PCDHA2: variants seen among roughly 807,000 people sequenced by gnomAD.
PCDHA2 encodes the protein protocadherin alpha 2, also known as protocadherin alpha-2.
PCDHA2 carries 58 observed loss-of-function variants against 66.0 expected under a neutral mutation model. The observed-to-expected ratio is 0.88, with a 90% CI of 0.71 to 1.09. The LOEUF (loss-of-function observed/expected upper bound fraction) is 1.09. PCDHA2 is among the 50% of genes least tolerant of loss of function. The pLI, the probability that PCDHA2 is intolerant of heterozygous loss-of-function variation, is 0.00. For synonymous variants in PCDHA2, 634 were observed against 554.0 expected (o/e 1.14, Z -2.03); for missense variants, 1,267 against 1,242.3 (o/e 1.02, Z -0.30).
chr5:140,823,629 C>T, intron 1 of PCDHA2: 1 of 1,614,064 alleles, frequency 6.2e-7, no homozygotes, highest in Non-Finnish European at 8.5e-7. Flanking sequence ...GCAGTGCGCG[C>T]ATCCCGTTCC....
chr5:140,829,791 C>T (rs782412294), intron 1 of PCDHA2: 2 of 1,613,788 alleles, frequency 1.2e-6, no homozygotes, highest in South Asian at 2.2e-5. Context: ...GCGCTGCTGG[C>T]GCCTCGGGTG....
chr5:140,892,952 AT>A (rs1327610333), intron 1 of PCDHA2, among the ~76,000 whole-genome samples: 1 of 152,154 alleles, frequency 6.6e-6, no homozygotes, highest in African/African-American at 2.4e-5. Context: ...TACTACTTCC[AT>A]GAGCTCAATA....
chr5:140,919,558 TAA>T (rs879969388), intron 1 of PCDHA2, among the ~76,000 whole-genome samples: 1 of 152,210 alleles, frequency 6.6e-6, no homozygotes, highest in Non-Finnish European at 1.5e-5. Flanking sequence ...TGATTTATAT[TAA>T]GTGAATATTT....
intron 1 of PCDHA2, chr5:140,966,455 C>T (rs376758355): frequency 4.7e-6 from 2 of 426,810 alleles, no homozygotes; most frequent in East Asian, 3.5e-5. Flanking sequence ...CCCCCTCCCC[C>T]TCTGTCTTCC....
intron 1 of PCDHA2, among the ~76,000 whole-genome samples, chr5:140,875,148 G>T (rs1267290548): frequency 2.0e-5 from 3 of 152,118 alleles, no homozygotes; most frequent in Non-Finnish European, 4.4e-5. Context: ...TAAATGATCC[G>T]TGAAAAATAA....
intron 1 of PCDHA2, chr5:140,803,820 G>A (rs1554122968): frequency 1.2e-5 from 8 of 661,080 alleles, no homozygotes; most frequent in African/African-American, 1.8e-5. Flanking sequence ...TTTGTTATTA[G>A]GTGCAGTAGT....
chr5:140,896,902 G>C (rs1427098120), intron 1 of PCDHA2, among the ~76,000 whole-genome samples: 1 of 152,044 alleles, frequency 6.6e-6, no homozygotes, highest in Non-Finnish European at 1.5e-5. Context: ...TTTGATACAA[G>C]CATGCAATGC....
intron 1 of PCDHA2, chr5:140,807,409 T>A: frequency 6.4e-7 from 1 of 1,572,226 alleles, no homozygotes; most frequent in Non-Finnish European, 8.7e-7. Flanking sequence ...GCGGAGGCCT[T>A]CTGGAGGTAA....
In PCDHA2 at chr5:140,906,646, G is replaced by T. The variant is rs1473127161; in HGVS notation, c.2389-72303G>T. On this transcript the variant is annotated intron_variant, in intron 1 of 3. Coordinates refer to ENST00000526136, the MANE Select transcript of PCDHA2 (RefSeq NM_018905.3). ...TCAGCAAGCACCTCAGCAGGTAGTG[G>T]TTTTTTCCTGGTGTAGTGACCCAAA... Among the ~76,000 whole-genome samples the T allele has an allele frequency of 2.0e-5, 3 of 152,192 alleles. No individual in the cohort carries two copies. In the East Asian group the frequency reaches 5.8e-4, roughly 29 times the overall value.
At chr5:140,822,930 C>G (rs2150120481) in intron 1 of PCDHA2, 11 of 1,614,266 alleles carry the variant, frequency 6.8e-6, no homozygotes, top group Non-Finnish European at 8.5e-6. Flanking sequence ...GGCAGGTGAC[C>G]TGCTCCCTAA....
At chr5:140,967,989 T>G (rs781892084) in intron 1 of PCDHA2, 2 of 1,614,228 alleles carry the variant, frequency 1.2e-6, no homozygotes, top group Non-Finnish European at 1.7e-6. Flanking sequence ...GAGGCCACAC[T>G]GCCTTTCCGA....
chr5:140,925,947 G>A (rs1447488918), intron 1 of PCDHA2, among the ~76,000 whole-genome samples: 1 of 152,066 alleles, frequency 6.6e-6, no homozygotes, highest in Non-Finnish European at 1.5e-5. Flanking sequence ...CTTGGAGAAG[G>A]AGAAACTGCT....
chr5:140,890,726 T>C (rs2062772984), intron 1 of PCDHA2, among the ~76,000 whole-genome samples: 1 of 152,214 alleles, frequency 6.6e-6, no homozygotes. Context: ...TTTAATCCCT[T>C]TTGACTTATA....
intron 1 of PCDHA2, among the ~76,000 whole-genome samples, chr5:140,977,031 G>A (rs1554238180): frequency 6.6e-6 from 1 of 152,192 alleles, no homozygotes; most frequent in Admixed American, 6.5e-5. Context: ...ATGAATCTAA[G>A]AAGGATGTTG....
chr5:140,810,382 G>A (rs1475774431), intron 1 of PCDHA2: 1 of 152,156 alleles, frequency 6.6e-6, no homozygotes, highest in Non-Finnish European at 1.5e-5. Context: ...GAATATGTGT[G>A]TATCTTTGTC....
chr5:140,812,099 T>G (rs1456552720), intron 1 of PCDHA2: 4 of 152,060 alleles, frequency 2.6e-5, no homozygotes, highest in African/African-American at 9.7e-5. Flanking sequence ...TTGATTCTTC[T>G]TTAAAAGTTT....
Position 140,797,210 on chromosome 5 carries a change from C to A in PCDHA2, c.2246C>A (p.Ser749Tyr). The A allele has an allele frequency of 6.2e-7, 1 of 1,614,196 alleles. No homozygotes were observed. Among genetic ancestry groups the A allele is most frequent in the African/African-American group, 1.3e-5 (1 of 75,058 alleles). The change falls in exon 1 of 4, where the codon TCT becomes TAT. Residue 749 changes from serine (S) to tyrosine (Y), a missense_variant. Physicochemically the swap from Ser to Tyr is moderately radical, Grantham distance 144 (BLOSUM62 -2). Transcript: ENST00000526136. Reference protein sequence around the residue: ...LVCSSAVGSWSYSQQRRQRVC... With the variant: ...LVCSSAVGSWYYSQQRRQRVC... ...TGCTCCAGCGCCGTGGGGAGCTGGTCTTACTCGCAGCAGAGGCGGCAGAGG... is the reference window on the plus strand; with the variant it reads ...TGCTCCAGCGCCGTGGGGAGCTGGTATTACTCGCAGCAGAGGCGGCAGAGG...
At chr5:140,829,264 T>C (rs2150164860) in intron 1 of PCDHA2, 2 of 1,614,244 alleles carry the variant, frequency 1.2e-6, no homozygotes, top group East Asian at 2.2e-5. Flanking sequence ...CGCTGACGCC[T>C]CACGTCCCTT....
At chr5:140,860,288 G>A (rs1305065556) in intron 1 of PCDHA2, 2 of 151,928 alleles carry the variant, frequency 1.3e-5, no homozygotes, top group African/African-American at 4.8e-5. Context: ...GGGTGAGGTG[G>A]GAGGACGGCT....
Sources: gnomAD v4.1 joint callset for allele counts (sites outside exome capture counted in the v4.1 genomes callset) on GRCh38, gnomAD v4.1.1 for gene constraint, MANE v1.5 for transcripts, NCBI Gene and HGNC (gene_info 2026-07-23, HGNC 2026-07-21) for gene names.